CHLSN: variants seen among roughly 807,000 people sequenced by gnomAD.
CHLSN encodes the protein protein cholesin.
the CHLSN span, among the ~76,000 whole-genome samples, chr7:1,118,866 A>ATTT: frequency 2.7e-5 from 4 of 149,734 alleles, no homozygotes; most frequent in African/African-American, 7.5e-5. Context: ...TTTTTTTTTA[A>ATTT]AAAAACTAAA....
chr7:1,108,346 G>A, the CHLSN span, among the ~76,000 whole-genome samples: 9 of 82,398 alleles, frequency 1.1e-4, 1 homozygote, highest in Non-Finnish European at 2.0e-4. Flanking sequence ...AGCAGAGGGG[G>A]GCTGTGTCCC....
the CHLSN span, among the ~76,000 whole-genome samples, chr7:1,135,459 A>G: frequency 3.3e-5 from 5 of 151,896 alleles, no homozygotes; most frequent in African/African-American, 4.8e-5. Flanking sequence ...ATATATCTAC[A>G]TGTGTGTATA....
the CHLSN span, among the ~76,000 whole-genome samples, chr7:979,132 A>G: frequency 6.6e-6 from 1 of 152,254 alleles, no homozygotes; most frequent in Non-Finnish European, 1.5e-5. Context: ...GTGCCCACCC[A>G]GATTCAAGGA....
chr7:1,070,520 C>A, the CHLSN span, among the ~76,000 whole-genome samples: 1 of 144,836 alleles, frequency 6.9e-6, no homozygotes, highest in Non-Finnish European at 1.5e-5. Flanking sequence ...TGCACACATG[C>A]ATACACATAC....
the CHLSN span, among the ~76,000 whole-genome samples, chr7:1,013,743 A>G: frequency 6.6e-6 from 1 of 152,210 alleles, no homozygotes; most frequent in Non-Finnish European, 1.5e-5. Context: ...TCTCTGGACC[A>G]TCCCAGGGCA....
At chr7:1,011,949 C>T in the CHLSN span, among the ~76,000 whole-genome samples, 1 of 152,204 alleles carries the variant, frequency 6.6e-6, no homozygotes, top group Non-Finnish European at 1.5e-5. Flanking sequence ...ACGCAGGGCT[C>T]TGGGGAGCAA....
At chr7:1,055,201 C>T in the CHLSN span, 1 of 468,794 alleles carries the variant, frequency 2.1e-6, no homozygotes, top group Non-Finnish European at 4.4e-6. Flanking sequence ...GTTTCTGGAA[C>T]CCGGCTGTAA....
the CHLSN span, among the ~76,000 whole-genome samples, chr7:1,008,047 G>A: frequency 6.6e-6 from 1 of 152,170 alleles, no homozygotes; most frequent in African/African-American, 2.4e-5. Context: ...GGAGGAAGGC[G>A]GACAAACCCC....
chr7:1,050,166 A>G, the CHLSN span, among the ~76,000 whole-genome samples: 2 of 152,158 alleles, frequency 1.3e-5, no homozygotes, highest in Admixed American at 1.3e-4. Flanking sequence ...AGGGGCCAGC[A>G]CCACTGGGCA....
At chr7:1,022,008 C>T in the CHLSN span, among the ~76,000 whole-genome samples, 3 of 152,170 alleles carry the variant, frequency 2.0e-5, no homozygotes, top group East Asian at 3.9e-4. Flanking sequence ...CAGGTGACAG[C>T]GATGACGGCC....
chr7:1,134,680 A>C, the CHLSN span, among the ~76,000 whole-genome samples: 1 of 151,914 alleles, frequency 6.6e-6, no homozygotes, highest in Non-Finnish European at 1.5e-5. Context: ...CATCCTGGCT[A>C]ACATGGTGAA....
chr7:1,016,156 C>G, the CHLSN span, among the ~76,000 whole-genome samples: 26 of 54,676 alleles, frequency 4.8e-4, no homozygotes, highest in African/African-American at 1.7e-3. Context: ...GCAGCACACG[C>G]CAGCACACAG....
chr7:1,021,101 A>C, the CHLSN span, among the ~76,000 whole-genome samples: 1 of 150,480 alleles, frequency 6.6e-6, no homozygotes, highest in Non-Finnish European at 1.5e-5. Flanking sequence ...GGGACCTCGC[A>C]GCAGGGAACT....
the CHLSN span, among the ~76,000 whole-genome samples, chr7:992,559 C>T: frequency 2.0e-5 from 3 of 152,246 alleles, no homozygotes; most frequent in Non-Finnish European, 4.4e-5. Context: ...CATGTAGGGG[C>T]CTGGGGCCTT....
At chr7:1,097,193 C>T in the CHLSN span, among the ~76,000 whole-genome samples, 11 of 152,218 alleles carry the variant, frequency 7.2e-5, no homozygotes, top group African/African-American at 2.7e-4. This position sits in a 1 kb window ranked among gnomAD's most constrained non-coding sequence, Gnocchi z 4.3. Flanking sequence ...TCTCTGCAGC[C>T]CACCTGCACA....
chr7:983,310 G>C, the CHLSN span: 2 of 1,540,258 alleles, frequency 1.3e-6, no homozygotes, highest in Non-Finnish European at 8.7e-7. Context: ...GGTGGCCCCC[G>C]GGGCCTCGCC....
the CHLSN span, among the ~76,000 whole-genome samples, chr7:991,302 T>A: frequency 6.6e-6 from 1 of 152,006 alleles, no homozygotes; most frequent in Non-Finnish European, 1.5e-5. Context: ...TCTCACCCCA[T>A]CTCACCCAGC....
chr7:1,009,001 G>A, the CHLSN span, among the ~76,000 whole-genome samples: 7 of 149,514 alleles, frequency 4.7e-5, no homozygotes, highest in South Asian at 6.4e-4. Context: ...ACACATACAC[G>A]CACACACACA....
At chr7:992,173 G>A in the CHLSN span, among the ~76,000 whole-genome samples, 36 of 151,558 alleles carry the variant, frequency 2.4e-4, no homozygotes, top group Non-Finnish European at 4.4e-4. Flanking sequence ...GAGGGACGCC[G>A]ACCCCGGCCC....
Sources: gnomAD v4.1 joint callset for allele counts (sites outside exome capture counted in the v4.1 genomes callset) on GRCh38, gnomAD v4.1.1 for gene constraint, Gnocchi (gnomAD v3.1) non-coding constraint, MANE v1.5 for transcripts, NCBI Gene and HGNC (gene_info 2026-07-23, HGNC 2026-07-21) for gene names.